The following ATL1 variants were observed in gnomAD, a reference collection of about 807,000 sequenced individuals.
ATL1 encodes the protein atlastin GTPase 1, also known as atlastin-1.
ATL1 carries 31 observed loss-of-function variants against 75.5 expected under a neutral mutation model. The observed-to-expected ratio is 0.41, with a 90% CI of 0.31 to 0.55. ATL1 has a LOEUF of 0.55. ATL1 is among the 20% of genes least tolerant of loss of function. The pLI is 0.27. For missense variants in ATL1, 405 were observed against 662.6 expected, an observed-to-expected ratio of 0.61 and a Z score of 4.27; for synonymous variants, 226 against 233.3, an observed-to-expected ratio of 0.97 and a Z score of 0.28.
At chr14:50,537,480 G>A (rs1244721751) in intron 1 of ATL1, among the ~76,000 whole-genome samples, 2 of 152,088 alleles carry the variant, frequency 1.3e-5, no homozygotes, top group Non-Finnish European at 2.9e-5. Flanking sequence ...GCCTAGTGGA[G>A]CTGTGAGAAG....
intron 1 of ATL1, among the ~76,000 whole-genome samples, chr14:50,574,651 C>T (rs1332492765): frequency 2.0e-5 from 3 of 151,936 alleles, no homozygotes; most frequent in Non-Finnish European, 2.9e-5. Context: ...TCCATCTGTT[C>T]TTCTTAAAAC....
intron 1 of ATL1, among the ~76,000 whole-genome samples, chr14:50,548,291 G>T (rs1235535768): frequency 6.6e-6 from 1 of 152,288 alleles, no homozygotes; most frequent in African/African-American, 2.4e-5. Context: ...TCAGCCCATT[G>T]TACACCCTAA....
chr14:50,569,013 T>C (rs565650856), intron 1 of ATL1, among the ~76,000 whole-genome samples: 3 of 152,150 alleles, frequency 2.0e-5, no homozygotes, highest in Non-Finnish European at 4.4e-5. Context: ...GTATACATAT[T>C]GTGTGTCCAA....
intron 1 of ATL1, among the ~76,000 whole-genome samples, chr14:50,554,673 A>T (rs1033372381): frequency 6.6e-6 from 1 of 152,236 alleles, no homozygotes; most frequent in African/African-American, 2.4e-5. Context: ...CTCATTGCTC[A>T]AACACAGTAG....
chr14:50,563,313 T>G (rs780284793), intron 1 of ATL1, among the ~76,000 whole-genome samples: 2 of 152,196 alleles, frequency 1.3e-5, no homozygotes, highest in African/African-American at 2.4e-5. Flanking sequence ...CCTAATTTAT[T>G]TTCTATAACA....
chr14:50,588,184 A>AT lies in ATL1; in HGVS notation c.282+107dup, dbSNP rs2039121000. 5 of 1,375,800 alleles carry AT rather than the reference A, an allele frequency of 3.6e-6. No homozygotes were observed. The South Asian group carries it at 6.1e-5, about 17-fold the overall frequency. 85.2% of individuals were successfully genotyped at this position (1,375,800 alleles called of 1,614,324 possible). ...TTTCATTTCTATTATTATGTACCCT[A>AT]TATATGAACCAGCTAAAGAAATGCT... On this transcript the variant is annotated intron_variant, in intron 2 of 13. Coordinates refer to ENST00000358385, the MANE Select transcript of ATL1 (RefSeq NM_015915.5).
At position 50,560,205 on chromosome 14, in the gene ATL1, G is replaced by A; in HGVS notation, c.-61G>A. 2 of 1,603,398 alleles carry A rather than the reference G, an allele frequency of 1.2e-6. No homozygotes were observed. The highest frequency in any genetic ancestry group is 2.2e-5 in the South Asian group (2 of 89,602). On this transcript the variant is annotated 5_prime_UTR_variant, in exon 1 of 14. Coordinates refer to ENST00000358385, the MANE Select transcript of ATL1 (RefSeq NM_015915.5). ...AGCCTCCCACCGCCAGCAACCTGCG[G>A]CCCCGGAGAAGGCAGCGAGCGCAGT...
chr14:50,592,468 C>T (rs904027840), intron 4 of ATL1, among the ~76,000 whole-genome samples: 2 of 150,992 alleles, frequency 1.3e-5, no homozygotes, highest in African/African-American at 4.9e-5. Flanking sequence ...ATGATTAGGA[C>T]AACCAAGACA....
intron 1 of ATL1, among the ~76,000 whole-genome samples, chr14:50,563,229 G>C (rs2038868894): frequency 6.6e-6 from 1 of 152,134 alleles, no homozygotes; most frequent in Non-Finnish European, 1.5e-5. Context: ...CTAACTCAGA[G>C]GTGAGTTAAA....
intron 6 of ATL1, among the ~76,000 whole-genome samples, chr14:50,602,738 G>C (rs2039282464): frequency 6.6e-6 from 1 of 152,124 alleles, no homozygotes; most frequent in Admixed American, 6.6e-5. Flanking sequence ...TTGAGGCCCA[G>C]AGCCCTGAGG....
chr14:50,628,021 T>C lies in ATL1; in HGVS notation c.1120-10T>C, dbSNP rs372764167. The C allele has an allele frequency of 6.2e-6, 10 of 1,613,976 alleles. No individual in the cohort carries two copies. The African/African-American group carries it at 9.3e-5, about 15-fold the overall frequency. ...CATTGCATAAACAAATACTTCTCTA[T>C]CTGATACAGATTTGTGGTGGTGACA... On this transcript the variant is annotated splice_polypyrimidine_tract_variant and intron_variant, in intron 11 of 13. Coordinates refer to ENST00000358385, the MANE Select transcript of ATL1 (RefSeq NM_015915.5).
chr14:50,632,345 A>C lies in ATL1; in HGVS notation c.*6A>C. 6.4e-7 allele frequency: 1 copy of C among 1,563,908 alleles called. No homozygotes were observed. The highest frequency in any genetic ancestry group is 1.7e-4 in the Middle Eastern group (1 of 5,984). Reference sequence around the variant, plus strand: ...CAGAAAAGAAAAAAATGTAATGCAAATTTTAAGAAATACAGGTGCATGACC... The same window carrying C: ...CAGAAAAGAAAAAAATGTAATGCAACTTTTAAGAAATACAGGTGCATGACC... On this transcript the variant is annotated 3_prime_UTR_variant, in exon 14 of 14. Transcript: ENST00000358385.
intron 8 of ATL1, among the ~76,000 whole-genome samples, chr14:50,615,901 A>G (rs573714508): frequency 1.3e-5 from 2 of 152,368 alleles, no homozygotes; most frequent in South Asian, 2.1e-4. Flanking sequence ...GTATACAGCT[A>G]CAGCTCTTAG....
intron 1 of ATL1, among the ~76,000 whole-genome samples, chr14:50,579,959 T>C (rs1049481614): frequency 1.3e-5 from 2 of 152,230 alleles, no homozygotes; most frequent in African/African-American, 4.8e-5. Flanking sequence ...TTTATAATGC[T>C]ATGTAAATAT....
intron 8 of ATL1, among the ~76,000 whole-genome samples, chr14:50,617,336 C>T (rs951407672): frequency 2.0e-5 from 3 of 152,184 alleles, no homozygotes; most frequent in Non-Finnish European, 4.4e-5. Context: ...TACCCTAGCA[C>T]AGCAGATACA....
At chr14:50,544,044 G>T (rs993400655) in intron 1 of ATL1, among the ~76,000 whole-genome samples, 3 of 152,208 alleles carry the variant, frequency 2.0e-5, no homozygotes, top group Admixed American at 6.5e-5. Flanking sequence ...GGGGAAATTG[G>T]TTATTGCTCC....
intron 2 of ATL1, among the ~76,000 whole-genome samples, chr14:50,588,459 AT>A (rs1361417955): frequency 5.3e-5 from 8 of 152,240 alleles, no homozygotes; most frequent in African/African-American, 1.9e-4. Flanking sequence ...AGTTAAAAAA[AT>A]TTTATACTAA....
At chr14:50,569,918 T>C (rs1156628980) in intron 1 of ATL1, among the ~76,000 whole-genome samples, 1 of 152,168 alleles carries the variant, frequency 6.6e-6, no homozygotes, top group East Asian at 1.9e-4. Flanking sequence ...TTGCTGACAA[T>C]CTTGTTAATA....
At chr14:50,625,197 C>T (rs1200773408) in intron 11 of ATL1, among the ~76,000 whole-genome samples, 1 of 152,170 alleles carries the variant, frequency 6.6e-6, no homozygotes, top group Non-Finnish European at 1.5e-5. Context: ...CCACAACATG[C>T]CCTTAAGCCA....
Sources: allele counts gnomAD v4.1 joint callset (sites outside exome capture counted in the v4.1 genomes callset), GRCh38; gene constraint gnomAD v4.1.1; transcripts MANE v1.5; gene names NCBI Gene and HGNC (gene_info 2026-07-23, HGNC 2026-07-21).